Variants in NHS observed in about 807,000 individuals in gnomAD.
NHS encodes the protein actin remodeling regulator NHS.
In NHS, 5 loss-of-function variants were observed where a neutral mutation model predicts 72.5. The observed-to-expected ratio is 0.07, with a 90% confidence interval of 0.04 to 0.14. The LOEUF (loss-of-function observed/expected upper bound fraction) is 0.14. Ranked by LOEUF, NHS falls within the 10% of genes least tolerant of loss-of-function variation. NHS has a pLI of 1.00. For synonymous variants in NHS, 464 were observed against 547.7 expected, an observed-to-expected ratio of 0.85 and a Z score of 2.13; for missense variants, 1,072 against 1,355.7, an observed-to-expected ratio of 0.79 and a Z score of 3.29.
intron 1 of NHS, among the ~76,000 whole-genome samples, chrX:17,420,064 C>A (rs1601698045): frequency 9.0e-6 from 1 of 111,335 alleles, no homozygotes; most frequent in African/African-American, 3.3e-5. Flanking sequence ...CTGCTGATTC[C>A]TTCCCCTTTC....
chrX:17,620,505 G>A (rs1008479359), intron 1 of NHS, among the ~76,000 whole-genome samples: 4 of 109,893 alleles, frequency 3.6e-5, no homozygotes, highest in Admixed American at 2.0e-4. Flanking sequence ...GCACAAGACA[G>A]AATGAACCAG....
At chrX:17,413,585 C>T (rs777987302) in intron 1 of NHS, among the ~76,000 whole-genome samples, 1 of 112,378 alleles carries the variant, frequency 8.9e-6, no homozygotes, top group African/African-American at 3.2e-5. Context: ...AAACTATAGT[C>T]ATTTGCCCAG....
chrX:17,554,950 T>G (rs1014036069), intron 1 of NHS, among the ~76,000 whole-genome samples: 4 of 110,799 alleles, frequency 3.6e-5, no homozygotes, highest in African/African-American at 9.9e-5. Context: ...GCTGCACCCA[T>G]CAACCCGTCA....
At chrX:17,457,691 G>T (rs1028799043) in intron 1 of NHS, among the ~76,000 whole-genome samples, 6 of 112,093 alleles carry the variant, frequency 5.4e-5, no homozygotes, top group African/African-American at 1.6e-4. Context: ...TGGAGACTGC[G>T]ATATTCAAGG....
chrX:17,389,050 G>A (rs1442864042), intron 1 of NHS, among the ~76,000 whole-genome samples: 1 of 111,878 alleles, frequency 8.9e-6, no homozygotes, highest in Non-Finnish European at 1.9e-5. Flanking sequence ...TGTTGAGGAA[G>A]TAGGCACTTC....
intron 1 of NHS, among the ~76,000 whole-genome samples, chrX:17,408,415 T>C (rs2064539852): frequency 9.0e-6 from 1 of 111,692 alleles, no homozygotes. Context: ...GCTCAGTAGA[T>C]GTTTGTGGTA....
chrX:17,450,625 T>C (rs1293384770), intron 1 of NHS, among the ~76,000 whole-genome samples: 1 of 111,972 alleles, frequency 8.9e-6, no homozygotes, highest in African/African-American at 3.2e-5. Context: ...CCTGTAATAA[T>C]AGCACTTTGG....
intron 1 of NHS, among the ~76,000 whole-genome samples, chrX:17,651,607 A>G (rs2065930975): frequency 9.0e-6 from 1 of 111,719 alleles, no homozygotes; most frequent in Admixed American, 9.5e-5. Context: ...GGAAGACAAG[A>G]AAGTGTGTGT....
chrX:17,385,653 CT>C (rs1642187113), intron 1 of NHS, among the ~76,000 whole-genome samples: 1 of 112,048 alleles, frequency 8.9e-6, no homozygotes, highest in East Asian at 2.8e-4. Flanking sequence ...TAATATTCCC[CT>C]GCACAAACGT....
rs762922935 is a variant in NHS at position 17,726,194 on chromosome X, C to T, written c.2088C>T (p.Gly696=). The T allele has an allele frequency of 1.7e-6, 2 of 1,210,389 alleles. No individual in the cohort carries two copies. The highest frequency in any genetic ancestry group is 2.2e-5 in the Admixed American group (1 of 45,830). Residue 696 remains glycine, a synonymous_variant, in exon 7 of 9, where the codon GGC becomes GGT. Transcript: ENST00000676302. Reference sequence around the variant, plus strand: ...ATGACCACTTGGATAAAGTGAGAGGCCATCGGGCAAACTCCTTTACCTCCA... The same window carrying T: ...ATGACCACTTGGATAAAGTGAGAGGTCATCGGGCAAACTCCTTTACCTCCA... The part of the protein sequence containing the change: ...QYNDHLDKVR[G]HRANSFTSTV...
intron 1 of NHS, among the ~76,000 whole-genome samples, chrX:17,526,405 T>C (rs2065173597): frequency 1.8e-5 from 2 of 112,410 alleles, no homozygotes; most frequent in South Asian, 7.4e-4. Context: ...AGCCTGGGCT[T>C]GTTCATATGG....
intron 1 of NHS, among the ~76,000 whole-genome samples, chrX:17,578,071 G>A (rs1324040264): frequency 8.9e-6 from 1 of 112,001 alleles, no homozygotes; most frequent in Admixed American, 9.5e-5. Context: ...TCTTGTCCTA[G>A]AAATAATATA....
chrX:17,572,909 A>G (rs753520016), intron 1 of NHS, among the ~76,000 whole-genome samples: 63 of 111,638 alleles, frequency 5.6e-4, no homozygotes, highest in African/African-American at 1.9e-3. Flanking sequence ...GCTTCTCTGT[A>G]AAGTATTTTA....
chrX:17,579,358 G>A (rs777583343), intron 1 of NHS, among the ~76,000 whole-genome samples: 2 of 111,374 alleles, frequency 1.8e-5, no homozygotes, highest in Non-Finnish European at 3.8e-5. Flanking sequence ...GAGAAAAAGC[G>A]GAACTTTCTG....
At chrX:17,674,353 C>T (rs1310779166) in intron 1 of NHS, among the ~76,000 whole-genome samples, 1 of 112,378 alleles carries the variant, frequency 8.9e-6, no homozygotes, top group East Asian at 2.8e-4. Flanking sequence ...AATAGGGTGT[C>T]ATTTATCTGG....
At chrX:17,408,424 T>C (rs1335609679) in intron 1 of NHS, among the ~76,000 whole-genome samples, 1 of 111,846 alleles carries the variant, frequency 8.9e-6, no homozygotes, top group African/African-American at 3.3e-5. Flanking sequence ...ATGTTTGTGG[T>C]ATTGAAGCAA....
rs1350069370 is a variant in NHS at position 17,602,103 on chromosome X, A to G, written c.566-85639A>G. Among the ~76,000 whole-genome samples, 3 of 111,608 alleles carry G rather than the reference A, an allele frequency of 2.7e-5. No homozygotes were observed. The East Asian group carries it at 8.4e-4, about 31-fold the overall frequency. On this transcript the variant is annotated intron_variant, in intron 1 of 8. Coordinates refer to ENST00000676302, the MANE Select transcript of NHS (RefSeq NM_001291867.2). The stretch of plus-strand genomic sequence containing the variant: ...GAGCTGTTGATTAAAACAGCAAACA[A>G]TTCCTCCTTCTAAATAATGCAAGCT...
intron 1 of NHS, chrX:17,686,740 G>C (rs1284632138): frequency 2.7e-5 from 3 of 112,063 alleles, no homozygotes; most frequent in African/African-American, 9.8e-5. Flanking sequence ...AAAGAGATGA[G>C]ACTGGGAGGT....
intron 1 of NHS, among the ~76,000 whole-genome samples, chrX:17,485,521 G>A (rs1252851592): frequency 1.8e-5 from 2 of 111,302 alleles, no homozygotes; most frequent in Admixed American, 9.6e-5. Context: ...CTGGAGTTTT[G>A]CCAGTTGGCC....
Sources: allele counts gnomAD v4.1 joint callset (sites outside exome capture counted in the v4.1 genomes callset), GRCh38; gene constraint gnomAD v4.1.1; transcripts MANE v1.5; gene names NCBI Gene and HGNC (gene_info 2026-07-23, HGNC 2026-07-21).